Variants in KIAA0232 observed in about 807,000 individuals in gnomAD.
KIAA0232 encodes the protein uncharacterized protein KIAA0232.
A neutral mutation model predicts 122.0 loss-of-function variants in KIAA0232; 27 were observed. That is an observed-to-expected ratio of 0.22 (90% CI 0.16 to 0.31). The LOEUF is 0.31. Ranked by LOEUF, KIAA0232 falls within the 10% of genes least tolerant of loss-of-function variation. KIAA0232 has a pLI of 1.00. For missense variants in KIAA0232, 1,551 were observed against 1,634.2 expected, an observed-to-expected ratio of 0.95 and a Z score of 0.88; for synonymous variants, 613 against 587.6, an observed-to-expected ratio of 1.04 and a Z score of -0.63.
intron 1 of KIAA0232, among the ~76,000 whole-genome samples, chr4:6,785,196 C>A (rs1255306451): frequency 1.3e-5 from 2 of 152,134 alleles, no homozygotes; most frequent in Non-Finnish European, 2.9e-5. Flanking sequence ...CTCAGCCTCC[C>A]AAAGTGCTGG....
At chr4:6,837,898 AC>A (rs1046074833) in intron 3 of KIAA0232, among the ~76,000 whole-genome samples, 1 of 144,194 alleles carries the variant, frequency 6.9e-6, no homozygotes, top group Admixed American at 6.9e-5. Flanking sequence ...TTAGAGGGAG[AC>A]CGTGCAAAGG....
intron 1 of KIAA0232, among the ~76,000 whole-genome samples, chr4:6,797,715 A>G (rs1046530362): frequency 2.0e-5 from 3 of 147,492 alleles, no homozygotes; most frequent in Non-Finnish European, 4.5e-5. Flanking sequence ...GCAGTGAGCC[A>G]TGATTGCACT....
At chr4:6,794,251 T>G (rs901858914) in intron 1 of KIAA0232, among the ~76,000 whole-genome samples, 1 of 152,218 alleles carries the variant, frequency 6.6e-6, no homozygotes, top group African/African-American at 2.4e-5. Flanking sequence ...AAGCTGTGCA[T>G]CCTGCACCGG....
chr4:6,829,854 C>T (rs1479818757), intron 3 of KIAA0232, among the ~76,000 whole-genome samples: 2 of 152,198 alleles, frequency 1.3e-5, no homozygotes, highest in Non-Finnish European at 2.9e-5. Flanking sequence ...TAGGTCTCCC[C>T]ATGATCTGTC....
At chr4:6,783,357 G>A (rs1716446508) in intron 1 of KIAA0232, among the ~76,000 whole-genome samples, 1 of 152,214 alleles carries the variant, frequency 6.6e-6, no homozygotes, top group Non-Finnish European at 1.5e-5. Context: ...GGTTGCCGTT[G>A]GCTGCCTCCT....
intron 4 of KIAA0232, among the ~76,000 whole-genome samples, chr4:6,851,546 T>A (rs897962628): frequency 1.3e-5 from 2 of 150,942 alleles, no homozygotes; most frequent in African/African-American, 4.9e-5. Context: ...ACCACATCTC[T>A]GAAAAAAAAA....
intron 1 of KIAA0232, among the ~76,000 whole-genome samples, chr4:6,800,039 CTTTCTTTTTTTTTTT>C (rs1717312005): frequency 3.0e-5 from 2 of 67,310 alleles, no homozygotes; most frequent in East Asian, 2.8e-4. Context: ...TTCTTTCTTT[CTTTCTTTTTTTTTTT>C]TTTTTTTTTT....
intron 4 of KIAA0232, among the ~76,000 whole-genome samples, chr4:6,848,850 G>T (rs1720118029): frequency 6.6e-6 from 1 of 152,166 alleles, no homozygotes; most frequent in South Asian, 2.1e-4. Context: ...GAACCCCCTG[G>T]GAAGAAGCCA....
chr4:6,853,983 C>G (rs1720434254), intron 4 of KIAA0232, among the ~76,000 whole-genome samples: 1 of 152,132 alleles, frequency 6.6e-6, no homozygotes, highest in Non-Finnish European at 1.5e-5. Flanking sequence ...GTAGCAAGAA[C>G]CTAGCGTTGG....
chr4:6,823,113 AT>A, intron 2 of KIAA0232, among the ~76,000 whole-genome samples: 1 of 151,772 alleles, frequency 6.6e-6, no homozygotes, highest in African/African-American at 2.4e-5. Flanking sequence ...TGAACTCATC[AT>A]TTTTTATGGC....
At chr4:6,837,780 G>A (rs748676531) in intron 3 of KIAA0232, among the ~76,000 whole-genome samples, 93 of 152,200 alleles carry the variant, frequency 6.1e-4, no homozygotes, top group Non-Finnish European at 1.0e-3. Flanking sequence ...AGGCGTGGGC[G>A]GCGCGTGCCA....
At chr4:6,795,101 C>T (rs1407363740) in intron 1 of KIAA0232, among the ~76,000 whole-genome samples, 1 of 149,830 alleles carries the variant, frequency 6.7e-6, no homozygotes, top group African/African-American at 2.5e-5. Context: ...GATGGAGTCT[C>T]ACTCTGTCGC....
intron 1 of KIAA0232, among the ~76,000 whole-genome samples, chr4:6,796,822 CCTTGAGTGGCCT>C (rs1577355690): frequency 1.3e-5 from 2 of 152,154 alleles, no homozygotes; most frequent in East Asian, 3.8e-4. Context: ...CAAGTAGGCT[CCTTGAGTGGCCT>C]TAGCTACCGT....
At position 6,795,951 on chromosome 4, in the gene KIAA0232, G is replaced by A. The variant is rs148275856; in HGVS notation, c.-353-8572G>A. Among the ~76,000 whole-genome samples the A allele has an allele frequency of 7.4e-3, 1,120 of 152,240 alleles. 18 individuals are homozygous for A. The highest frequency in any genetic ancestry group is 0.026 in the African/African-American group (1,074 of 41,520). ...TTTGCTCTTGAAGGCACTGGTGGAG[G>A]AAGCGAATGGAAATAGAGAAGTCCA... is the stretch of plus-strand genomic sequence containing the variant. On this transcript the variant is annotated intron_variant, in intron 1 of 9. Transcript: ENST00000307659.
intron 2 of KIAA0232, among the ~76,000 whole-genome samples, chr4:6,810,658 G>C (rs1717836395): frequency 6.6e-6 from 1 of 152,168 alleles, no homozygotes; most frequent in Non-Finnish European, 1.5e-5. Flanking sequence ...TAGAATGAGA[G>C]AAAATGTTTG....
intron 6 of KIAA0232, among the ~76,000 whole-genome samples, chr4:6,860,296 A>G (rs1357396459): frequency 6.6e-6 from 1 of 152,188 alleles, no homozygotes; most frequent in Non-Finnish European, 1.5e-5. Flanking sequence ...TGAGCTATGG[A>G]GAGGTTAAGT....
At chr4:6,838,148 G>T (rs1008706054) in intron 3 of KIAA0232, among the ~76,000 whole-genome samples, 1 of 151,318 alleles carries the variant, frequency 6.6e-6, no homozygotes, top group African/African-American at 2.4e-5. Context: ...CATTCTAAAA[G>T]ATCTTACCCG....
chr4:6,852,568 A>G (rs1339783604), intron 4 of KIAA0232, among the ~76,000 whole-genome samples: 1 of 152,190 alleles, frequency 6.6e-6, no homozygotes, highest in Non-Finnish European at 1.5e-5. Context: ...GAAAAACTGT[A>G]AAAGAGCTCC....
chr4:6,846,884 G>A (rs899835798), intron 4 of KIAA0232, among the ~76,000 whole-genome samples: 4 of 152,102 alleles, frequency 2.6e-5, no homozygotes, highest in Non-Finnish European at 4.4e-5. Context: ...CTCATTTCCT[G>A]AGGATGATCG....
Sources: allele counts gnomAD v4.1 joint callset (sites outside exome capture counted in the v4.1 genomes callset), GRCh38; gene constraint gnomAD v4.1.1; transcripts MANE v1.5; gene names NCBI Gene and HGNC (gene_info 2026-07-23, HGNC 2026-07-21).